The following SLC35F3 variants were observed in gnomAD, a reference collection of about 807,000 sequenced individuals.
SLC35F3 encodes putative thiamine transporter SLC35F3.
A neutral mutation model predicts 49.9 loss-of-function variants in SLC35F3; 25 were observed. The observed-to-expected ratio is 0.50, with a 90% confidence interval of 0.37 to 0.70. The LOEUF (loss-of-function observed/expected upper bound fraction) is 0.70, where lower values mean the gene tolerates loss of function less well. SLC35F3 is among the 30% of genes least tolerant of loss of function. SLC35F3 has a pLI of 0.00. For missense variants in SLC35F3, 525 were observed against 639.8 expected (o/e 0.82, Z 1.94); for synonymous variants, 275 against 265.4 (o/e 1.04, Z -0.35).
chr1:234,292,030 G>T (rs1159901881), intron 3 of SLC35F3, among the ~76,000 whole-genome samples: 2 of 152,224 alleles, frequency 1.3e-5, no homozygotes, highest in Non-Finnish European at 2.9e-5. Flanking sequence ...GACTGCACGT[G>T]TCTGGGTTTG....
intron 3 of SLC35F3, chr1:234,284,855 A>ATCTATTCTGTCTCT (rs1398986415): frequency 9.7e-5 from 15 of 154,162 alleles, no homozygotes; most frequent in Middle Eastern, 6.8e-3. Flanking sequence ...AGGGAAGAGG[A>ATCTATTCTGTCTCT]ATTCACACTT....
At chr1:234,127,986 C>G (rs541059980) in intron 2 of SLC35F3, among the ~76,000 whole-genome samples, 1 of 152,282 alleles carries the variant, frequency 6.6e-6, no homozygotes, top group Non-Finnish European at 1.5e-5. Flanking sequence ...CAAGGACACA[C>G]GCTGAGGACC....
At chr1:234,222,678 G>A (rs1667225992) in intron 2 of SLC35F3, among the ~76,000 whole-genome samples, 1 of 152,194 alleles carries the variant, frequency 6.6e-6, no homozygotes, top group African/African-American at 2.4e-5. Context: ...GTCTTTGCCT[G>A]GAGGTACTGT....
chr1:234,050,048 T>C (rs1453373471), intron 2 of SLC35F3, among the ~76,000 whole-genome samples: 1 of 152,218 alleles, frequency 6.6e-6, no homozygotes, highest in Non-Finnish European at 1.5e-5. Flanking sequence ...TGATGGACAT[T>C]TGGGTTGGTT....
intron 3 of SLC35F3, among the ~76,000 whole-genome samples, chr1:234,271,502 A>G (rs183837427): frequency 5.0e-4 from 76 of 152,356 alleles, no homozygotes; most frequent in African/African-American, 1.7e-3. Flanking sequence ...TGAAAGAGAA[A>G]TAATGCTCTT....
intron 3 of SLC35F3, among the ~76,000 whole-genome samples, chr1:234,237,698 G>A (rs1229836088): frequency 6.6e-6 from 1 of 152,178 alleles, no homozygotes; most frequent in African/African-American, 2.4e-5. Flanking sequence ...GAGAGAGATA[G>A]TGCTTCATTC....
intron 2 of SLC35F3, among the ~76,000 whole-genome samples, chr1:234,190,602 C>T (rs937875865): frequency 2.0e-5 from 3 of 152,128 alleles, no homozygotes; most frequent in African/African-American, 7.2e-5. Context: ...AATGGGATAG[C>T]AACACAATAA....
intron 3 of SLC35F3, among the ~76,000 whole-genome samples, chr1:234,289,994 A>G (rs1668481689): frequency 6.6e-6 from 1 of 152,230 alleles, no homozygotes; most frequent in African/African-American, 2.4e-5. Context: ...GGCATTGCAC[A>G]TGAAGAACAA....
chr1:234,164,102 TTCTC>T (rs1000750539), intron 2 of SLC35F3, among the ~76,000 whole-genome samples: 4 of 149,110 alleles, frequency 2.7e-5, no homozygotes, highest in Admixed American at 6.7e-5. Flanking sequence ...CTCTCTCTCT[TTCTC>T]TCTCTCTCCT....
intron 2 of SLC35F3, among the ~76,000 whole-genome samples, chr1:234,159,473 A>T (rs1273573569): frequency 2.0e-5 from 3 of 152,030 alleles, no homozygotes; most frequent in African/African-American, 7.3e-5. Context: ...GCTCCTCAGG[A>T]GGCTGAGGCG....
chr1:233,964,979 A>C (rs537898788), intron 2 of SLC35F3, among the ~76,000 whole-genome samples: 1 of 152,328 alleles, frequency 6.6e-6, no homozygotes, highest in East Asian at 1.9e-4. Flanking sequence ...TGTTTTTCCC[A>C]ATCCCTGACC....
At chr1:234,219,892 C>A (rs1446775782) in intron 2 of SLC35F3, among the ~76,000 whole-genome samples, 1 of 152,164 alleles carries the variant, frequency 6.6e-6, no homozygotes. Context: ...GAGGTGAGAA[C>A]ACAGCATTTC....
At chr1:234,136,457 C>T (rs1025459689) in intron 2 of SLC35F3, among the ~76,000 whole-genome samples, 3 of 151,854 alleles carry the variant, frequency 2.0e-5, no homozygotes, top group Non-Finnish European at 4.4e-5. Flanking sequence ...GTTATTCTTC[C>T]ACCCCAGCCT....
chr1:234,315,796 G>C (rs947506437), intron 4 of SLC35F3, among the ~76,000 whole-genome samples: 9 of 152,178 alleles, frequency 5.9e-5, no homozygotes, highest in African/African-American at 1.9e-4. Flanking sequence ...CAGCTTCATG[G>C]CTACCTCAGA....
At chr1:233,950,071 C>T (rs1296304393) in intron 2 of SLC35F3, among the ~76,000 whole-genome samples, 2 of 151,968 alleles carry the variant, frequency 1.3e-5, no homozygotes, top group African/African-American at 4.8e-5. Context: ...CAAAGGACAG[C>T]CTTCTATTTC....
At chr1:233,969,339 C>T (rs752145092) in intron 2 of SLC35F3, among the ~76,000 whole-genome samples, 2 of 152,188 alleles carry the variant, frequency 1.3e-5, no homozygotes, top group African/African-American at 2.4e-5. Flanking sequence ...TGGGCACTGT[C>T]GGTGGAGAGC....
chr1:234,217,027 C>G (rs1667132584), intron 2 of SLC35F3, among the ~76,000 whole-genome samples: 1 of 152,122 alleles, frequency 6.6e-6, no homozygotes, highest in Non-Finnish European at 1.5e-5. Flanking sequence ...CCATTTGCAT[C>G]TTATGTGCTG....
At chr1:234,048,392 G>A (rs1664324590) in intron 2 of SLC35F3, among the ~76,000 whole-genome samples, 1 of 152,182 alleles carries the variant, frequency 6.6e-6, no homozygotes, top group Non-Finnish European at 1.5e-5. Flanking sequence ...AGAAGCCAGG[G>A]ATAGAGATGA....
intron 2 of SLC35F3, among the ~76,000 whole-genome samples, chr1:234,227,606 G>A (rs2102948673): frequency 6.6e-6 from 1 of 152,172 alleles, no homozygotes; most frequent in African/African-American, 2.4e-5. Flanking sequence ...CACCATGTTA[G>A]CCAGGATGGT....
Sources: allele counts gnomAD v4.1 joint callset (sites outside exome capture counted in the v4.1 genomes callset), GRCh38; gene constraint gnomAD v4.1.1; transcripts MANE v1.5; gene names NCBI Gene and HGNC (gene_info 2026-07-23, HGNC 2026-07-21).